C8orf34: variants seen among roughly 807,000 people sequenced by gnomAD.
C8orf34 encodes the protein uncharacterized protein C8orf34.
Under a neutral mutation model 68.3 loss-of-function variants are expected in C8orf34, and 65 were observed. The ratio of observed to expected loss-of-function variants is 0.95; its 90% confidence interval spans 0.78 to 1.17. C8orf34 has a LOEUF of 1.17. C8orf34 is among the 50% of genes most tolerant of loss of function. C8orf34 has a pLI of 0.00. For synonymous variants in C8orf34, 244 were observed against 241.2 expected (o/e 1.01, Z -0.11); for missense variants, 664 against 655.4 (o/e 1.01, Z -0.14).
intron 1 of C8orf34, among the ~76,000 whole-genome samples, chr8:68,340,107 A>G (rs1806009580): frequency 6.6e-6 from 1 of 152,108 alleles, no homozygotes; most frequent in South Asian, 2.1e-4. Flanking sequence ...GACTGACTTT[A>G]ATAAGCATTG....
chr8:68,789,932 T>C (rs1019552372), intron 12 of C8orf34, among the ~76,000 whole-genome samples: 2 of 152,188 alleles, frequency 1.3e-5, no homozygotes, highest in Admixed American at 6.5e-5. Flanking sequence ...ACCATAGAAC[T>C]AGAACCAAAA....
chr8:68,336,845 T>G (rs1293012420), intron 1 of C8orf34, among the ~76,000 whole-genome samples: 2 of 152,150 alleles, frequency 1.3e-5, no homozygotes, highest in Admixed American at 6.5e-5. Context: ...ATAGTAGGTA[T>G]GTATCAAAGG....
At chr8:68,681,955 C>T (rs1563606286) in intron 8 of C8orf34, among the ~76,000 whole-genome samples, 1 of 151,882 alleles carries the variant, frequency 6.6e-6, no homozygotes, top group Non-Finnish European at 1.5e-5. Flanking sequence ...TTTGTGGGAG[C>T]TAAAAATTAA....
chr8:68,688,128 T>C (rs140256252), intron 8 of C8orf34, among the ~76,000 whole-genome samples: 2,075 of 151,944 alleles, frequency 0.014, 51 homozygotes, highest in African/African-American at 0.047. Context: ...CAAAAAACAA[T>C]AGATGTTGGC....
intron 1 of C8orf34, among the ~76,000 whole-genome samples, chr8:68,340,362 G>C (rs1381903677): frequency 2.0e-5 from 3 of 152,064 alleles, no homozygotes; most frequent in African/African-American, 7.2e-5. Context: ...ATTATGCTGA[G>C]TGAACAAAGC....
intron 2 of C8orf34, among the ~76,000 whole-genome samples, chr8:68,445,343 A>G (rs1408137214): frequency 1.3e-5 from 2 of 152,240 alleles, no homozygotes; most frequent in Non-Finnish European, 2.9e-5. Flanking sequence ...GAAGGCATAA[A>G]GAAACCCTAC....
In C8orf34 at chr8:68,818,989, T is replaced by C. The variant is rs1323466910; in HGVS notation, c.*743T>C. 6.6e-6 allele frequency: 1 copy of C among 152,174 alleles called. No individual in the cohort carries two copies. Among genetic ancestry groups the C allele is most frequent in the East Asian group, 1.9e-4 (1 of 5,190 alleles). 9.4% of individuals were successfully genotyped at this position (152,174 alleles called of 1,614,324 possible). ...GAATGTGTTATGCATTGATGTTAAGTGAATGGATCTAAGTAAATCTATTGA... is the reference window on the plus strand; with the variant it reads ...GAATGTGTTATGCATTGATGTTAAGCGAATGGATCTAAGTAAATCTATTGA... On this transcript the variant is annotated 3_prime_UTR_variant, in exon 14 of 14. Transcript: ENST00000518698.
chr8:68,467,305 T>C (rs1812190479), intron 3 of C8orf34, among the ~76,000 whole-genome samples: 1 of 152,090 alleles, frequency 6.6e-6, no homozygotes, highest in South Asian at 2.1e-4. Flanking sequence ...ATTCTAGAAT[T>C]GACAGTTCTC....
chr8:68,359,643 C>T (rs1806899564), intron 1 of C8orf34, among the ~76,000 whole-genome samples: 1 of 152,178 alleles, frequency 6.6e-6, no homozygotes, highest in Non-Finnish European at 1.5e-5. Flanking sequence ...ACTCTATACC[C>T]ACCCCTCTCT....
intron 1 of C8orf34, among the ~76,000 whole-genome samples, chr8:68,371,360 T>C (rs1807552359): frequency 6.6e-6 from 1 of 152,208 alleles, no homozygotes; most frequent in South Asian, 2.1e-4. Flanking sequence ...TGGCAAATTA[T>C]AGAATTGCAG....
intron 1 of C8orf34, among the ~76,000 whole-genome samples, chr8:68,340,713 A>G (rs967859212): frequency 3.9e-5 from 6 of 152,222 alleles, no homozygotes; most frequent in Non-Finnish European, 7.3e-5. Flanking sequence ...AATGAAGATT[A>G]TCATCAAATA....
intron 4 of C8orf34, among the ~76,000 whole-genome samples, chr8:68,477,874 A>G (rs1812689568): frequency 6.6e-6 from 1 of 152,138 alleles, no homozygotes; most frequent in African/African-American, 2.4e-5. Flanking sequence ...CCTTATAGCC[A>G]CCACTGGAGC....
At chr8:68,420,332 GC>G (rs1809906822) in intron 1 of C8orf34, among the ~76,000 whole-genome samples, 1 of 152,130 alleles carries the variant, frequency 6.6e-6, no homozygotes, top group East Asian at 1.9e-4. Flanking sequence ...TCTCACAAAA[GC>G]TACATTCTAT....
intron 8 of C8orf34, among the ~76,000 whole-genome samples, chr8:68,704,909 G>T (rs1821120602): frequency 6.6e-6 from 1 of 152,132 alleles, no homozygotes; most frequent in South Asian, 2.1e-4. Flanking sequence ...CTGGATTTGT[G>T]TTTTGAACAT....
chr8:68,361,754 T>C (rs1266171985), intron 1 of C8orf34, among the ~76,000 whole-genome samples: 1 of 152,260 alleles, frequency 6.6e-6, no homozygotes, highest in African/African-American at 2.4e-5. Context: ...ATAGTAAATG[T>C]ATGCATCATA....
chr8:68,763,413 T>C (rs941562382), intron 10 of C8orf34, among the ~76,000 whole-genome samples: 3 of 152,258 alleles, frequency 2.0e-5, no homozygotes, highest in African/African-American at 7.2e-5. Context: ...AGTGTCTTTG[T>C]GGTAGGCAAT....
intron 1 of C8orf34, among the ~76,000 whole-genome samples, chr8:68,331,843 G>A (rs546812396): frequency 1.8e-5 from 2 of 113,464 alleles, no homozygotes; most frequent in African/African-American, 6.9e-5. Flanking sequence ...CCGAAAAGGT[G>A]GAGGAGGTGC....
intron 12 of C8orf34, among the ~76,000 whole-genome samples, chr8:68,807,994 T>G (rs1824535968): frequency 6.6e-6 from 1 of 152,186 alleles, no homozygotes; most frequent in Admixed American, 6.5e-5. Context: ...TTTTTTTCCT[T>G]TAGCCTGGGA....
chr8:68,433,187 TAG>T (rs1261401834), intron 1 of C8orf34, among the ~76,000 whole-genome samples: 5 of 152,174 alleles, frequency 3.3e-5, no homozygotes, highest in Admixed American at 6.6e-5. Context: ...AAATTTTTAA[TAG>T]AGACCTGATA....
Sources: gnomAD v4.1 joint callset for allele counts (sites outside exome capture counted in the v4.1 genomes callset) on GRCh38, gnomAD v4.1.1 for gene constraint, MANE v1.5 for transcripts, NCBI Gene and HGNC (gene_info 2026-07-23, HGNC 2026-07-21) for gene names.